The following USP13 variants were observed in gnomAD, a reference collection of about 807,000 sequenced individuals.
USP13 encodes ubiquitin carboxyl-terminal hydrolase 13.
In USP13, 68 loss-of-function variants were observed where a neutral mutation model predicts 107.8. The observed-to-expected ratio is 0.63, with a 90% CI of 0.52 to 0.77. The LOEUF (loss-of-function observed/expected upper bound fraction) is 0.77. Among genes scored for constraint, USP13 ranks in the 30% least tolerant of loss-of-function variants. The pLI, the probability that USP13 is intolerant of heterozygous loss-of-function variation, is 0.00. For missense variants in USP13, 945 were observed against 1,093.3 expected (o/e 0.86, Z 1.91); for synonymous variants, 377 against 389.5 (o/e 0.97, Z 0.38).
intron 19 of USP13, among the ~76,000 whole-genome samples, chr3:179,767,902 GTCT>G (rs1304187301): frequency 2.0e-5 from 3 of 152,080 alleles, no homozygotes; most frequent in East Asian, 1.9e-4. Flanking sequence ...GGAGGGAACT[GTCT>G]TCTTCTTTTT....
intron 13 of USP13, among the ~76,000 whole-genome samples, chr3:179,751,483 C>T (rs1239876699): frequency 2.0e-5 from 3 of 152,104 alleles, no homozygotes; most frequent in African/African-American, 4.8e-5. Context: ...GCCAACTCTG[C>T]GCTATAAGAC....
rs1323994889 is a variant in USP13 at position 179,761,194 on chromosome 3, C to T, written c.2031C>T (p.Phe677=). The T allele has an allele frequency of 6.2e-7, 1 of 1,614,158 alleles. No homozygotes were observed. ...AAGCATGTCGCAAGGCTGTGTACTT[C>T]ACTGGAAATATGGGCGCCGAGGTGG... ...PLEACRKAVY[F]TGNMGAEVAF... Residue 677 remains phenylalanine (F), a synonymous_variant, in exon 17 of 21, where the codon TTC becomes TTT. Transcript: ENST00000263966.
Position 179,721,414 on chromosome 3 carries a change from C to T in USP13, c.913C>T (p.Leu305Phe), listed in dbSNP as rs75426377. 2,755 of 1,613,840 alleles carry T rather than the reference C, an allele frequency of 1.7e-3. 79 individuals carry two copies. In the East Asian group the frequency reaches 0.056, roughly 33 times the overall value. Residue 305 changes from leucine (L) to phenylalanine (F), a missense_variant, in exon 8 of 21, where the codon CTC becomes TTC. Coordinates refer to ENST00000263966, the MANE Select transcript of USP13 (RefSeq NM_003940.3). This position sits in a 1 kb window ranked among gnomAD's most constrained non-coding sequence, Gnocchi z 4.3. ...MLHMHGTENG[L>F]QDNDIKLRVS... is the part of the protein sequence containing the mutation. ...GACTTTGTCTCAGACAGAGAATGGG[C>T]TCCAGGACAATGACATCAAGCTGAG...
At chr3:179,778,252 A>G (rs371355780) in intron 19 of USP13, among the ~76,000 whole-genome samples, 22 of 152,334 alleles carry the variant, frequency 1.4e-4, no homozygotes, top group East Asian at 1.2e-3. Context: ...CACTATAAGA[A>G]GATACAAAAC....
Position 179,784,201 on chromosome 3 carries a change from AAAAG to A in USP13, c.*63_*66del. The A allele has an allele frequency of 4.0e-5, 53 of 1,340,018 alleles. No individual in the cohort carries two copies. Among genetic ancestry groups the A allele is most frequent in the South Asian group, 3.7e-4 (29 of 78,036 alleles). The allele number at this position is 1,340,018 out of a possible 1,614,324, so 83.0% of individuals were successfully genotyped here. A position where few individuals can be genotyped will look rare whatever the true frequency, so the allele number is the denominator to read the frequency against. ...ACGCCTTTTTAATTTGCCAAAAAAA[AAAAG>A]AAGAAGAAGAAGTTGAAACAACTAG... On this transcript the variant is annotated 3_prime_UTR_variant, in exon 21 of 21. Transcript: ENST00000263966.
chr3:179,759,709 C>T (rs1052532682), intron 16 of USP13, among the ~76,000 whole-genome samples: 11 of 152,124 alleles, frequency 7.2e-5, no homozygotes, highest in Non-Finnish European at 5.9e-5. Context: ...GAGTCTCACT[C>T]TGTCACCAGG....
intron 8 of USP13, among the ~76,000 whole-genome samples, chr3:179,728,176 CG>C (rs1713626836): frequency 7.1e-6 from 1 of 139,980 alleles, no homozygotes; most frequent in Admixed American, 7.0e-5. Context: ...ACCTCCCGGA[CG>C]GGGCGGCTGG....
chr3:179,717,145 T>G (rs1713138968), intron 6 of USP13, among the ~76,000 whole-genome samples: 1 of 152,214 alleles, frequency 6.6e-6, no homozygotes, highest in African/African-American at 2.4e-5. Flanking sequence ...GTTGCCTATT[T>G]ACTACCATAG....
rs886125445 is a variant in USP13, at chr3:179,784,829, A to G, written c.*688A>G. On this transcript the variant is annotated 3_prime_UTR_variant, in exon 21 of 21. Coordinates refer to ENST00000263966, the MANE Select transcript of USP13 (RefSeq NM_003940.3). The stretch of plus-strand genomic sequence containing the variant: ...TGACAAGTTGGTTTTTAAAGTCTGA[A>G]CAGTTGATATTAAGCATATCTGAAA... 9.9e-5 allele frequency: 15 copies of G among 152,250 alleles called. No homozygotes were observed. The highest frequency in any genetic ancestry group is 2.2e-4 in the Non-Finnish European group (15 of 68,048). The allele number at this position is 152,250 out of a possible 1,614,324, so 9.4% of individuals were successfully genotyped here.
In USP13 at chr3:179,787,449, T is replaced by C. The variant is rs375755665; in HGVS notation, c.*3308T>C. 49 of 152,358 alleles carry C rather than the reference T, an allele frequency of 3.2e-4. No homozygotes were observed. Among genetic ancestry groups the C allele is most frequent in the African/African-American group, 1.1e-3 (47 of 41,576 alleles). 9.4% of individuals were successfully genotyped at this position (152,358 alleles called of 1,614,324 possible). Reference sequence around the variant, plus strand: ...GTGGTTACCACTAGGGTCTGACACGTAAAATGTGAGGGATCACTTAGAGGT... The same window carrying C: ...GTGGTTACCACTAGGGTCTGACACGCAAAATGTGAGGGATCACTTAGAGGT... On this transcript the variant is annotated 3_prime_UTR_variant, in exon 21 of 21. Coordinates refer to ENST00000263966, the MANE Select transcript of USP13 (RefSeq NM_003940.3).
rs150877602 is a variant in USP13, at chr3:179,708,801, C to A, written c.649C>A (p.Arg217=). The A allele has an allele frequency of 6.2e-7, 1 of 1,614,172 alleles. No individual in the cohort carries two copies. The change falls in exon 6 of 21, where the codon CGA becomes AGA. Residue 217 remains arginine, a synonymous_variant. Coordinates refer to ENST00000263966, the MANE Select transcript of USP13 (RefSeq NM_003940.3). The part of the protein sequence containing the change: ...SGWKCARCDL[R]ENLWLNLTDG... ...TTGGAAGTGTGCCAGATGCGACCTG[C>A]GAGAAAACCTCTGGTTGAATCTGAC... is the stretch of plus-strand genomic sequence containing the variant.
chr3:179,693,549 CTT>C (rs1712182373), intron 3 of USP13, among the ~76,000 whole-genome samples: 1 of 152,188 alleles, frequency 6.6e-6, no homozygotes, highest in African/African-American at 2.4e-5. Flanking sequence ...GCACTTTTCT[CTT>C]GTCACATTGG....
At chr3:179,693,011 A>C (rs1489841571) in intron 3 of USP13, among the ~76,000 whole-genome samples, 1 of 152,230 alleles carries the variant, frequency 6.6e-6, no homozygotes, top group African/African-American at 2.4e-5. Flanking sequence ...AGGTGCATAT[A>C]GAACTCACAG....
intron 1 of USP13, among the ~76,000 whole-genome samples, chr3:179,657,905 A>C (rs1720325416): frequency 6.6e-6 from 1 of 152,002 alleles, no homozygotes; most frequent in South Asian, 2.1e-4. Context: ...TCTGCTCATA[A>C]GCCTCCCTGG....
intron 3 of USP13, 109 bp from the exon 4 acceptor site, chr3:179,700,899 C>T: frequency 1.5e-6 from 2 of 1,334,438 alleles, no homozygotes; most frequent in Non-Finnish European, 1.0e-6. Flanking sequence ...ATGTCACACC[C>T]TTGGTATTTC....
At chr3:179,780,982 G>A (rs745503009) in intron 19 of USP13, among the ~76,000 whole-genome samples, 6 of 152,250 alleles carry the variant, frequency 3.9e-5, no homozygotes, top group Non-Finnish European at 7.4e-5. Flanking sequence ...AGTCTGTAAC[G>A]GTTTGCTGAG....
At chr3:179,776,551 A>G (rs1404416248) in intron 19 of USP13, among the ~76,000 whole-genome samples, 1 of 152,182 alleles carries the variant, frequency 6.6e-6, no homozygotes, top group Non-Finnish European at 1.5e-5. Flanking sequence ...TGGAGTTCAA[A>G]AAGGACAAGT....
chr3:179,717,620 T>G (rs1713152858), intron 6 of USP13, among the ~76,000 whole-genome samples: 1 of 151,836 alleles, frequency 6.6e-6, no homozygotes. Context: ...CTTCAAACTA[T>G]CTCCCTAATT....
At chr3:179,732,557 G>A (rs1335989132) in intron 10 of USP13, among the ~76,000 whole-genome samples, 1 of 152,116 alleles carries the variant, frequency 6.6e-6, no homozygotes, top group African/African-American at 2.4e-5. Context: ...ATTGATCTAG[G>A]TGGTGGTGGT....
Sources: gnomAD v4.1 joint callset for allele counts (sites outside exome capture counted in the v4.1 genomes callset) on GRCh38, gnomAD v4.1.1 for gene constraint, Gnocchi (gnomAD v3.1) non-coding constraint, MANE v1.5 for transcripts, NCBI Gene and HGNC (gene_info 2026-07-23, HGNC 2026-07-21) for gene names.